The following SEMA3C variants were observed in gnomAD, a reference collection of about 807,000 sequenced individuals.
SEMA3C encodes the protein semaphorin-3C.
In SEMA3C, 47 loss-of-function variants were observed where a neutral mutation model predicts 89.4. The observed-to-expected ratio is 0.53, with a 90% CI of 0.42 to 0.67. SEMA3C has a LOEUF of 0.67. SEMA3C is among the 30% of genes least tolerant of loss of function. The probability of loss-of-function intolerance (pLI) is 0.00; values close to 1 mark genes in which losing one functional copy is unlikely to be tolerated. For missense variants in SEMA3C, 839 were observed against 929.1 expected, an observed-to-expected ratio of 0.90 and a Z score of 1.26; for synonymous variants, 310 against 320.2, an observed-to-expected ratio of 0.97 and a Z score of 0.34.
chr7:80,765,820 G>A (rs570772159), intron 12 of SEMA3C, among the ~76,000 whole-genome samples: 57 of 152,172 alleles, frequency 3.7e-4, no homozygotes, highest in African/African-American at 8.9e-4. Context: ...CTCATGATGC[G>A]CCCACCTTGG....
In SEMA3C at chr7:80,802,766, C is replaced by A; in HGVS notation, c.815G>T (p.Gly272Val). The A allele has an allele frequency of 1.2e-6, 2 of 1,611,166 alleles. No individual in the cohort carries two copies. The highest frequency in any genetic ancestry group is 2.2e-5 in the South Asian group (2 of 90,916). Residue 272 changes from glycine to valine, a missense_variant, in exon 9 of 18, where the codon GGA (glycine) becomes GTA (valine). Coordinates refer to ENST00000265361, the MANE Select transcript of SEMA3C (RefSeq NM_006379.5). Reference protein sequence around the residue: ...IARICPNDTGGLRSLVNKWTT... With the variant: ...IARICPNDTGVLRSLVNKWTT... ...CCACTTGTTGACAAGGCTACGCAGT[C>A]CACCAGTGTCATTCTAAAACCATTT...
chr7:80,847,347 T>C (rs1305476752), intron 2 of SEMA3C: 1 of 152,224 alleles, frequency 6.6e-6, no homozygotes, highest in South Asian at 2.1e-4. Flanking sequence ...GTTTTGTTAC[T>C]GTAGTATACA....
intron 2 of SEMA3C, among the ~76,000 whole-genome samples, chr7:80,872,481 T>A (rs1284371793): frequency 1.3e-5 from 2 of 151,984 alleles, no homozygotes; most frequent in Non-Finnish European, 2.9e-5. Context: ...AAGGATTACA[T>A]CTCTTTAATG....
intron 3 of SEMA3C, 120 bp downstream of exon 3, chr7:80,828,465 C>A (rs533528375): frequency 1.3e-6 from 1 of 767,404 alleles, no homozygotes; most frequent in South Asian, 2.5e-5. Flanking sequence ...TTCATAGTAA[C>A]ATGGGACCAG....
chr7:80,854,017 T>C (rs184635994), intron 2 of SEMA3C, among the ~76,000 whole-genome samples: 9 of 152,128 alleles, frequency 5.9e-5, no homozygotes, highest in African/African-American at 1.9e-4. Context: ...AGAAACAAAG[T>C]TATTGTTATA....
Position 80,758,329 on chromosome 7 carries a change from AC to A in SEMA3C, c.1643+1del. The A allele has an allele frequency of 6.2e-7, 1 of 1,612,126 alleles. No homozygotes were observed. The highest frequency in any genetic ancestry group is 8.5e-7 in the Non-Finnish European group (1 of 1,179,216). ...ATGTTGAGCCGAGTGTTTAGTGCTC[AC>A]CGTTTCCCAGTTGGGTAGAATCTGG... On this transcript the variant is annotated splice_donor_variant, in intron 15 of 17. Coordinates refer to ENST00000265361, the MANE Select transcript of SEMA3C (RefSeq NM_006379.5). LOFTEE classifies it high-confidence loss of function.
upstream of SEMA3C, among the ~76,000 whole-genome samples, chr7:80,919,621 G>C (rs1562986908): frequency 6.6e-6 from 1 of 151,004 alleles, no homozygotes; most frequent in African/African-American, 2.4e-5. Flanking sequence ...ATCTCACTCT[G>C]TCGCCAGGCT....
intron 2 of SEMA3C, among the ~76,000 whole-genome samples, chr7:80,846,590 C>T (rs769283079): frequency 6.6e-6 from 1 of 152,112 alleles, no homozygotes; most frequent in Non-Finnish European, 1.5e-5. Flanking sequence ...ATCAGCCTCC[C>T]AAAGTGCTGA....
chr7:80,869,625 A>T (rs565791967), intron 2 of SEMA3C, among the ~76,000 whole-genome samples: 1 of 152,348 alleles, frequency 6.6e-6, no homozygotes, highest in African/African-American at 2.4e-5. Context: ...CAGAAGAGCC[A>T]TAAGCACCTA....
chr7:80,865,616 C>T (rs868827200), intron 2 of SEMA3C, among the ~76,000 whole-genome samples: 2 of 151,954 alleles, frequency 1.3e-5, no homozygotes, highest in Admixed American at 6.6e-5. Flanking sequence ...GGCGAAACCC[C>T]GTCTCTACTA....
At chr7:80,759,203 G>A (rs1050010414) in intron 14 of SEMA3C, among the ~76,000 whole-genome samples, 3 of 151,880 alleles carry the variant, frequency 2.0e-5, no homozygotes, top group African/African-American at 7.3e-5. Context: ...GCATAATATG[G>A]TTCTCAGGAG....
At chr7:80,747,600 T>C (rs1479626782) in intron 17 of SEMA3C, among the ~76,000 whole-genome samples, 2 of 152,192 alleles carry the variant, frequency 1.3e-5, no homozygotes, top group Non-Finnish European at 2.9e-5. Flanking sequence ...AAGGTAATTA[T>C]TATAATCCAT....
chr7:80,897,300 G>T (rs1291373759), intron 2 of SEMA3C, among the ~76,000 whole-genome samples: 2 of 152,072 alleles, frequency 1.3e-5, no homozygotes, highest in Non-Finnish European at 2.9e-5. Flanking sequence ...CTAAGAAAAA[G>T]GCCATAAAAA....
intron 5 of SEMA3C, among the ~76,000 whole-genome samples, chr7:80,811,668 T>C (rs1273396134): frequency 6.6e-6 from 1 of 151,992 alleles, no homozygotes; most frequent in Non-Finnish European, 1.5e-5. Flanking sequence ...TATTTTTGAG[T>C]GTGGAAATGG....
chr7:80,810,357 A>G (rs1789438462), intron 6 of SEMA3C, among the ~76,000 whole-genome samples: 1 of 152,184 alleles, frequency 6.6e-6, no homozygotes, highest in Non-Finnish European at 1.5e-5. Flanking sequence ...ATAAGTATAC[A>G]TATACACACT....
At chr7:80,916,851 C>G in intron 1 of SEMA3C, 32 bp from the exon 2 acceptor site, 1 of 1,585,642 alleles carries the variant, frequency 6.3e-7, no homozygotes, top group South Asian at 1.1e-5. Flanking sequence ...TTTGTTATAT[C>G]TCATTTCACA....
At chr7:80,916,867 G>C (rs952271925) in intron 1 of SEMA3C, 48 bp from the exon 2 acceptor site, 2 of 1,541,570 alleles carry the variant, frequency 1.3e-6, no homozygotes, top group Non-Finnish European at 1.8e-6. Context: ...TCACATTTTA[G>C]GAGTAGGAAA....
At chr7:80,794,862 A>T (rs535418837) in intron 11 of SEMA3C, among the ~76,000 whole-genome samples, 1 of 152,334 alleles carries the variant, frequency 6.6e-6, no homozygotes, top group South Asian at 2.1e-4. Flanking sequence ...ACGGAAAAAT[A>T]TAATGACACA....
intron 2 of SEMA3C, among the ~76,000 whole-genome samples, chr7:80,887,691 A>G (rs562443564): frequency 6.6e-6 from 1 of 152,308 alleles, no homozygotes; most frequent in Non-Finnish European, 1.5e-5. Context: ...TTTTAAATGA[A>G]TTGAAAGAGC....
Sources: allele counts gnomAD v4.1 joint callset (sites outside exome capture counted in the v4.1 genomes callset), GRCh38; gene constraint gnomAD v4.1.1; transcripts MANE v1.5; gene names NCBI Gene and HGNC (gene_info 2026-07-23, HGNC 2026-07-21).